Variants in WDFY4 observed in about 807,000 individuals in gnomAD.
WDFY4 encodes WD repeat- and FYVE domain-containing protein 4.
WDFY4 carries 169 observed loss-of-function variants against 351.9 expected under a neutral mutation model. That is an observed-to-expected ratio of 0.48 (90% confidence interval 0.42 to 0.55). The LOEUF is 0.55. Among genes scored for constraint, WDFY4 ranks in the 20% least tolerant of loss-of-function variants. The pLI is 0.00. For synonymous variants in WDFY4, 1,622 were observed against 1,574.6 expected, an observed-to-expected ratio of 1.03 and a Z score of -0.71; for missense variants, 3,803 against 3,935.6, an observed-to-expected ratio of 0.97 and a Z score of 0.90.
intron 1 of WDFY4, among the ~76,000 whole-genome samples, chr10:48,685,955 G>T (rs1411006079): frequency 1.3e-5 from 2 of 152,066 alleles, no homozygotes; most frequent in African/African-American, 4.8e-5. Flanking sequence ...TCTGAGAGGG[G>T]ACCTGTGAGG....
intron 32 of WDFY4, 68 bp downstream of exon 32, chr10:48,817,477 G>T: frequency 6.9e-7 from 1 of 1,451,174 alleles, no homozygotes. Context: ...AGGGCAAAGG[G>T]CAAAATCCCT....
At chr10:48,905,322 C>T (rs143086601) in intron 47 of WDFY4, among the ~76,000 whole-genome samples, 1 of 152,132 alleles carries the variant, frequency 6.6e-6, no homozygotes, top group Non-Finnish European at 1.5e-5. Context: ...AAGTTAGAGG[C>T]CCCTCAGAAA....
intron 40 of WDFY4, among the ~76,000 whole-genome samples, chr10:48,870,063 G>C (rs760199382): frequency 6.6e-6 from 1 of 152,156 alleles, no homozygotes; most frequent in Non-Finnish European, 1.5e-5. Flanking sequence ...GCCCTAGGGG[G>C]TGGTGCCTGT....
At chr10:48,964,565 T>C (rs1327371801) in intron 54 of WDFY4, among the ~76,000 whole-genome samples, 1 of 152,176 alleles carries the variant, frequency 6.6e-6, no homozygotes, top group African/African-American at 2.4e-5. Flanking sequence ...TCAACAGAGG[T>C]AGAGCTCTGG....
In WDFY4 at chr10:48,731,408, G is replaced by A; in HGVS notation, c.1428G>A (p.Glu476=). The A allele has an allele frequency of 6.4e-7, 1 of 1,551,736 alleles. No individual in the cohort carries two copies. The highest frequency in any genetic ancestry group is 1.2e-5 in the South Asian group (1 of 84,070). The change falls in exon 9 of 62, where the codon GAG becomes GAA. Residue 476 remains glutamate, a synonymous_variant. Transcript: ENST00000325239. ...GAAAGGTACAGCATCTGATCAAGGA[G>A]AGCCCTGGGCCATCCTGCACCCTCA... ...ILRKVQHLIK[E]SPGPSCTLMA... is the part of the protein sequence containing the mutation.
intron 23 of WDFY4, among the ~76,000 whole-genome samples, chr10:48,794,805 C>A (rs923225438): frequency 2.6e-5 from 4 of 152,122 alleles, no homozygotes; most frequent in Admixed American, 2.6e-4. Context: ...ATTTGGCCAC[C>A]TGGAAGTCCC....
At chr10:48,814,324 G>A (rs555043928) in intron 31 of WDFY4, among the ~76,000 whole-genome samples, 59 of 152,304 alleles carry the variant, frequency 3.9e-4, no homozygotes, top group African/African-American at 1.3e-3. Context: ...TTTAAGCATG[G>A]GATTTCTTCA....
At chr10:48,765,739 G>A (rs1565173109) in intron 13 of WDFY4, among the ~76,000 whole-genome samples, 1 of 152,182 alleles carries the variant, frequency 6.6e-6, no homozygotes, top group Non-Finnish European at 1.5e-5. Flanking sequence ...AGGGAAGTGA[G>A]AGGTTACAGA....
At position 48,933,315 on chromosome 10, in the gene WDFY4, A is replaced by G. The variant is rs571598646; in HGVS notation, c.7587-8491A>G. ...TCATGTGCATCATCTCATTTAATCTAGTCACTCCACTTCACAGATGAAACA... is the reference window on the plus strand; with the variant it reads ...TCATGTGCATCATCTCATTTAATCTGGTCACTCCACTTCACAGATGAAACA... On this transcript the variant is annotated intron_variant, in intron 47 of 61. Transcript: ENST00000325239. Among the ~76,000 whole-genome samples the G allele has an allele frequency of 9.2e-5, 14 of 152,254 alleles. No individual in the cohort carries two copies. In the East Asian group the frequency reaches 2.5e-3, roughly 27 times the overall value.
At chr10:48,941,263 G>T (rs1166741022) in intron 47 of WDFY4, among the ~76,000 whole-genome samples, 1 of 152,196 alleles carries the variant, frequency 6.6e-6, no homozygotes, top group Non-Finnish European at 1.5e-5. Context: ...TCCCATGTAT[G>T]ATTGAAGTTT....
At chr10:48,823,162 G>A (rs2067881214) in intron 35 of WDFY4, 1 of 1,289,370 alleles carries the variant, frequency 7.8e-7, no homozygotes, top group East Asian at 5.6e-5. Flanking sequence ...AGCATTGAAA[G>A]AGACCTTTTT....
At chr10:48,709,062 T>C (rs1016018350) in intron 1 of WDFY4, among the ~76,000 whole-genome samples, 1 of 150,742 alleles carries the variant, frequency 6.6e-6, no homozygotes, top group Non-Finnish European at 1.5e-5. Flanking sequence ...ACTTGACGTC[T>C]AGCTGCCTGT....
At chr10:48,718,735 C>T (rs1352873396) in intron 2 of WDFY4, among the ~76,000 whole-genome samples, 1 of 152,240 alleles carries the variant, frequency 6.6e-6, no homozygotes, top group Non-Finnish European at 1.5e-5. Context: ...GTCAGTCCTA[C>T]TTAGCCAGTT....
intron 47 of WDFY4, among the ~76,000 whole-genome samples, chr10:48,917,895 T>C (rs1838695272): frequency 6.6e-6 from 1 of 152,222 alleles, no homozygotes; most frequent in African/African-American, 2.4e-5. Context: ...AAACTAACAC[T>C]GTGTGATGGA....
chr10:48,738,891 G>A (rs576381995), intron 11 of WDFY4, among the ~76,000 whole-genome samples: 1 of 152,252 alleles, frequency 6.6e-6, no homozygotes, highest in South Asian at 2.1e-4. Flanking sequence ...CTTCCCTGTG[G>A]TCTGTCTGCC....
chr10:48,898,073 A>G (rs1837177497), intron 45 of WDFY4, among the ~76,000 whole-genome samples: 1 of 151,932 alleles, frequency 6.6e-6, no homozygotes, highest in South Asian at 2.1e-4. Context: ...TGGTTTAGGG[A>G]TCTCCCAGCT....
intron 43 of WDFY4, 94 bp downstream of exon 43, chr10:48,877,293 G>A: frequency 1.8e-6 from 2 of 1,124,216 alleles, no homozygotes; most frequent in East Asian, 2.7e-5. Context: ...ACTTACATGG[G>A]GAATGAGATC....
chr10:48,981,211 C>T (rs1842791003), intron 60 of WDFY4, among the ~76,000 whole-genome samples, 156 bp from the exon 61 acceptor site: 1 of 152,264 alleles, frequency 6.6e-6, no homozygotes, highest in South Asian at 2.1e-4. Context: ...TGCAACAGCA[C>T]AGGCCAAGAT....
chr10:48,801,116 C>G (rs1263587163), intron 24 of WDFY4, among the ~76,000 whole-genome samples: 1 of 152,198 alleles, frequency 6.6e-6, no homozygotes, highest in Non-Finnish European at 1.5e-5. Context: ...ACACCTGACA[C>G]ATTATACAGT....
Sources: gnomAD v4.1 joint callset for allele counts (sites outside exome capture counted in the v4.1 genomes callset) on GRCh38, gnomAD v4.1.1 for gene constraint, MANE v1.5 for transcripts, NCBI Gene and HGNC (gene_info 2026-07-23, HGNC 2026-07-21) for gene names.